CHST9: variants seen among roughly 807,000 people sequenced by gnomAD.
CHST9 encodes GalNAc-4-sulfotransferase 2.
CHST9 carries 41 observed loss-of-function variants against 44.4 expected under a neutral mutation model. The observed-to-expected ratio is 0.92, with a 90% CI of 0.72 to 1.20. The LOEUF (loss-of-function observed/expected upper bound fraction) is 1.20, where lower values mean the gene tolerates loss of function less well. CHST9 is among the 50% of genes most tolerant of loss of function. The probability of loss-of-function intolerance (pLI) is 0.00; values close to 1 mark genes in which losing one functional copy is unlikely to be tolerated. For missense variants in CHST9, 504 were observed against 516.5 expected, an observed-to-expected ratio of 0.98 and a Z score of 0.23; for synonymous variants, 171 against 178.4, an observed-to-expected ratio of 0.96 and a Z score of 0.33.
chr18:27,066,676 A>T (rs2057785722), intron 2 of CHST9, among the ~76,000 whole-genome samples: 3 of 152,190 alleles, frequency 2.0e-5, no homozygotes, highest in African/African-American at 7.2e-5. Context: ...TAATTATTTA[A>T]TTAAGTGCCT....
chr18:27,023,830 T>C (rs2057252221), intron 4 of CHST9, among the ~76,000 whole-genome samples: 1 of 152,244 alleles, frequency 6.6e-6, no homozygotes, highest in Non-Finnish European at 1.5e-5. Flanking sequence ...AACTTTTTCA[T>C]ATAAGGAAAA....
intron 4 of CHST9, among the ~76,000 whole-genome samples, chr18:26,981,240 A>G (rs2056688432): frequency 6.6e-6 from 1 of 152,196 alleles, no homozygotes; most frequent in Non-Finnish European, 1.5e-5. Context: ...TTACAAGGCC[A>G]AAAGCATAAA....
In CHST9 at chr18:26,911,976, A is replaced by G. The variant is rs1210403534; in HGVS notation, c.*4283T>C. ...TAGTACTAGGGAAGGAGACTCAGGA[A>G]GAAGGGGATAATGCACAGTTGCTCT... On this transcript the variant is annotated 3_prime_UTR_variant, in exon 6 of 6. Coordinates refer to ENST00000618847, the MANE Select transcript of CHST9 (RefSeq NM_031422.6). 1 of 152,164 alleles carries G rather than the reference A, an allele frequency of 6.6e-6. No homozygotes were observed. The highest frequency in any genetic ancestry group is 1.5e-5 in the Non-Finnish European group (1 of 68,034). 9.4% of individuals were successfully genotyped at this position (152,164 alleles called of 1,614,324 possible).
intron 5 of CHST9, among the ~76,000 whole-genome samples, chr18:26,938,483 A>C (rs1181307311): frequency 1.3e-5 from 2 of 152,210 alleles, no homozygotes; most frequent in Non-Finnish European, 2.9e-5. Flanking sequence ...CATTAGTGCC[A>C]AACTTGCAAA....
chr18:26,944,211 C>T (rs1598581192), intron 5 of CHST9, 118 bp downstream of exon 5: 2 of 770,382 alleles, frequency 2.6e-6, no homozygotes, highest in East Asian at 5.2e-5. Context: ...GAACCAATAA[C>T]ATATATATTG....
At position 27,185,170 on chromosome 18, in the gene CHST9, C is replaced by CT. The variant is rs1422696307; in HGVS notation, c.-132dup. On this transcript the variant is annotated 5_prime_UTR_variant, in exon 1 of 6. Transcript: ENST00000618847. Reference sequence around the variant, plus strand: ...CGCTGCCGGGCGCTTGCAGGTGCTGCTGTTCCAGGAGCGCAGCTTCGGAGG... The same window carrying CT: ...CGCTGCCGGGCGCTTGCAGGTGCTGCTTGTTCCAGGAGCGCAGCTTCGGAGG... The CT allele has an allele frequency of 3.3e-5, 5 of 152,280 alleles. No homozygotes were observed. Among genetic ancestry groups the CT allele is most frequent in the Non-Finnish European group, 7.3e-5 (5 of 68,174 alleles). 9.4% of individuals were successfully genotyped at this position (152,280 alleles called of 1,614,324 possible). A position where few individuals can be genotyped will look rare whatever the true frequency, so the allele number is the denominator to read the frequency against.
At chr18:26,997,194 T>A (rs1338814066) in intron 4 of CHST9, among the ~76,000 whole-genome samples, 1 of 152,180 alleles carries the variant, frequency 6.6e-6, no homozygotes, top group Non-Finnish European at 1.5e-5. Context: ...CAGCTATTAA[T>A]CAATAAATGT....
chr18:27,159,062 C>T (rs1254737368), intron 1 of CHST9, among the ~76,000 whole-genome samples: 1 of 152,106 alleles, frequency 6.6e-6, no homozygotes, highest in Non-Finnish European at 1.5e-5. Context: ...TGTAGGTTGC[C>T]TGTTCACTCT....
At chr18:26,948,446 T>C (rs903105541) in intron 4 of CHST9, among the ~76,000 whole-genome samples, 1 of 152,204 alleles carries the variant, frequency 6.6e-6, no homozygotes, top group African/African-American at 2.4e-5. Context: ...TCAACTCTGG[T>C]TGGCAACTGA....
chr18:27,075,988 G>A (rs1046953346), intron 2 of CHST9, among the ~76,000 whole-genome samples: 4 of 152,142 alleles, frequency 2.6e-5, no homozygotes, highest in Admixed American at 6.5e-5. Flanking sequence ...GCTGAAACCC[G>A]AGTAGCCATT....
intron 5 of CHST9, among the ~76,000 whole-genome samples, chr18:26,937,028 A>G (rs2056006175): frequency 6.6e-6 from 1 of 152,214 alleles, no homozygotes; most frequent in Non-Finnish European, 1.5e-5. Flanking sequence ...CTTTTCTAAG[A>G]AACACAAAGA....
At chr18:27,093,177 C>T (rs538080363) in intron 2 of CHST9, among the ~76,000 whole-genome samples, 1 of 152,328 alleles carries the variant, frequency 6.6e-6, no homozygotes, top group African/African-American at 2.4e-5. Flanking sequence ...TGGGAGGTGT[C>T]TCCCAGTTAG....
intron 2 of CHST9, among the ~76,000 whole-genome samples, chr18:27,095,537 A>G (rs933502140): frequency 1.3e-5 from 2 of 152,192 alleles, no homozygotes. Flanking sequence ...CTTTGTCTTC[A>G]AGAGAGCCAT....
intron 4 of CHST9, among the ~76,000 whole-genome samples, chr18:27,009,558 A>G (rs771898259): frequency 6.6e-6 from 1 of 152,200 alleles, no homozygotes; most frequent in African/African-American, 2.4e-5. Flanking sequence ...GAATTAAAAT[A>G]TTATAGATAG....
At chr18:27,164,078 T>G (rs1251110662) in intron 1 of CHST9, among the ~76,000 whole-genome samples, 2 of 152,158 alleles carry the variant, frequency 1.3e-5, no homozygotes, top group Non-Finnish European at 2.9e-5. Context: ...AAGCAAGATG[T>G]TGTTTGCTAT....
intron 2 of CHST9, among the ~76,000 whole-genome samples, chr18:27,089,567 T>C (rs1178407367): frequency 2.0e-5 from 3 of 152,182 alleles, no homozygotes; most frequent in Non-Finnish European, 4.4e-5. Flanking sequence ...TCCAAGTCTT[T>C]GCTATTGTGA....
chr18:27,060,991 G>A (rs561689274), intron 2 of CHST9, among the ~76,000 whole-genome samples: 11 of 152,286 alleles, frequency 7.2e-5, no homozygotes, highest in East Asian at 5.8e-4. Context: ...AAAAAGACAC[G>A]CATGGGAGAA....
chr18:26,940,231 A>C (rs2056062978), intron 5 of CHST9, among the ~76,000 whole-genome samples: 1 of 151,948 alleles, frequency 6.6e-6, no homozygotes, highest in Non-Finnish European at 1.5e-5. Flanking sequence ...CAGAAAAAAA[A>C]ACCTGTCTTT....
intron 3 of CHST9, among the ~76,000 whole-genome samples, chr18:27,025,523 T>C (rs941393971): frequency 1.3e-5 from 2 of 152,194 alleles, no homozygotes; most frequent in Non-Finnish European, 2.9e-5. Context: ...TATGCTATTC[T>C]GTTTTTAGAA....
Sources: allele counts gnomAD v4.1 joint callset (sites outside exome capture counted in the v4.1 genomes callset), GRCh38; gene constraint gnomAD v4.1.1; transcripts MANE v1.5; gene names NCBI Gene and HGNC (gene_info 2026-07-23, HGNC 2026-07-21).